Variants in WDR41 observed in about 807,000 individuals in gnomAD.
The protein encoded by WDR41 is WD repeat domain 41, also known as WD repeat-containing protein 41.
In WDR41, 63 loss-of-function variants were observed where a neutral mutation model predicts 69.3. The ratio of observed to expected loss-of-function variants is 0.91; its 90% CI spans 0.74 to 1.12. The LOEUF is 1.12. WDR41 is among the 50% of genes most tolerant of loss of function. The pLI is 0.00. For synonymous variants in WDR41, 185 were observed against 192.1 expected (o/e 0.96, Z 0.31); for missense variants, 543 against 534.5 (o/e 1.02, Z -0.16).
chr5:77,467,622 T>C (rs1254334598), intron 2 of WDR41, among the ~76,000 whole-genome samples: 1 of 152,054 alleles, frequency 6.6e-6, no homozygotes, highest in Non-Finnish European at 1.5e-5. Flanking sequence ...TATTGATCTT[T>C]ATCTTTATAA....
chr5:77,615,607 T>G (rs1744664483), intron 1 of WDR41, among the ~76,000 whole-genome samples: 1 of 151,328 alleles, frequency 6.6e-6, no homozygotes, highest in South Asian at 2.1e-4. Flanking sequence ...AATAATGAGT[T>G]TGTGTGATTT....
intron 1 of WDR41, among the ~76,000 whole-genome samples, chr5:77,529,974 G>T (rs1802503272): frequency 6.6e-6 from 1 of 151,558 alleles, no homozygotes. Context: ...AGAAATGACT[G>T]ATACATCTTA....
At chr5:77,484,801 G>C (rs1801437811) in intron 2 of WDR41, among the ~76,000 whole-genome samples, 2 of 152,124 alleles carry the variant, frequency 1.3e-5, no homozygotes, top group African/African-American at 4.8e-5. Flanking sequence ...TTCAAGACAG[G>C]ACTCACTGCC....
chr5:77,550,132 T>C (rs1402020508), intron 1 of WDR41, among the ~76,000 whole-genome samples: 2 of 152,134 alleles, frequency 1.3e-5, no homozygotes, highest in South Asian at 2.1e-4. Context: ...CCTCAAACTA[T>C]AAGAATCCTC....
chr5:77,511,100 C>A (rs1157323047), intron 1 of WDR41, among the ~76,000 whole-genome samples: 2 of 151,974 alleles, frequency 1.3e-5, no homozygotes, highest in Non-Finnish European at 2.9e-5. Flanking sequence ...AAACTATGTC[C>A]CTATAAATAT....
intron 1 of WDR41, among the ~76,000 whole-genome samples, chr5:77,553,350 T>C (rs1477919139): frequency 1.3e-5 from 2 of 152,102 alleles, no homozygotes; most frequent in African/African-American, 4.8e-5. Context: ...TGTTCTCAAA[T>C]AGCTGAAGGG....
chr5:77,593,989 A>G (rs1352162921), intron 1 of WDR41, among the ~76,000 whole-genome samples: 1 of 152,196 alleles, frequency 6.6e-6, no homozygotes, highest in East Asian at 1.9e-4. Context: ...AGGGGGCAGG[A>G]CTACCTCAAA....
At chr5:77,461,600 T>G (rs1287556400) in intron 4 of WDR41, among the ~76,000 whole-genome samples, 1 of 152,092 alleles carries the variant, frequency 6.6e-6, no homozygotes, top group Non-Finnish European at 1.5e-5. Flanking sequence ...CACTTTGGGA[T>G]GCCAAGGCGG....
At chr5:77,448,793 G>A (rs993276634) in intron 8 of WDR41, among the ~76,000 whole-genome samples, 9 of 151,942 alleles carry the variant, frequency 5.9e-5, no homozygotes, top group Admixed American at 1.3e-4. Context: ...GCTTGAACCC[G>A]GGGGGCAGAG....
At chr5:77,463,351 G>T in intron 3 of WDR41, 125 bp from the exon 4 acceptor site, 1 of 822,560 alleles carries the variant, frequency 1.2e-6, no homozygotes, top group Non-Finnish European at 1.7e-6. Flanking sequence ...TACTTATTCA[G>T]AATTTAACTT....
chr5:77,454,035 G>T, intron 5 of WDR41, 107 bp from the exon 6 acceptor site: 1 of 801,940 alleles, frequency 1.2e-6, no homozygotes, highest in Non-Finnish European at 2.1e-6. Flanking sequence ...TTCACTAGGT[G>T]GAGCTTATTT....
At chr5:77,596,772 G>A (rs768575281) in intron 1 of WDR41, among the ~76,000 whole-genome samples, 11 of 151,984 alleles carry the variant, frequency 7.2e-5, no homozygotes, top group South Asian at 2.1e-4. Context: ...GCACCATCAC[G>A]GCAAATGTCA....
chr5:77,564,718 T>C (rs1386544471), intron 1 of WDR41, among the ~76,000 whole-genome samples: 1 of 152,126 alleles, frequency 6.6e-6, no homozygotes, highest in African/African-American at 2.4e-5. Context: ...TCTATCCCAG[T>C]GACCCTAAAA....
At chr5:77,570,495 A>G (rs1250876423) in intron 1 of WDR41, among the ~76,000 whole-genome samples, 1 of 147,656 alleles carries the variant, frequency 6.8e-6, no homozygotes, top group Non-Finnish European at 1.5e-5. Flanking sequence ...TTTACTATAT[A>G]TATTAGGTCA....
At chr5:77,488,551 G>T (rs533043614) in intron 2 of WDR41, among the ~76,000 whole-genome samples, 1 of 151,112 alleles carries the variant, frequency 6.6e-6, no homozygotes, top group East Asian at 1.9e-4. Flanking sequence ...TCCATGGAGT[G>T]AAAAAAAACA....
At position 77,482,288 on chromosome 5, in the gene WDR41, G is replaced by A. The variant is rs187444561; in HGVS notation, c.167+7169C>T. 2.4e-4 allele frequency among the ~76,000 whole-genome samples: 37 copies of A among 152,214 alleles called. No individual in the cohort carries two copies. In the South Asian group the frequency reaches 7.5e-3, roughly 31 times the overall value. On this transcript the variant is annotated intron_variant, in intron 2 of 12. Transcript: ENST00000296679. ...AAGGACTCTTTTACATCACACCTAAGTTAACATTTACTTCCTTAATGTCAT... is the reference window on the plus strand; with the variant it reads ...AAGGACTCTTTTACATCACACCTAAATTAACATTTACTTCCTTAATGTCAT...
intron 2 of WDR41, among the ~76,000 whole-genome samples, chr5:77,487,646 T>C (rs190022523): frequency 6.6e-6 from 1 of 152,354 alleles, no homozygotes; most frequent in Admixed American, 6.5e-5. Context: ...TAAGAATGTC[T>C]TCATTATTCA....
upstream of WDR41, chr5:77,492,467 G>A (rs1801854575): frequency 1.4e-5 from 6 of 440,852 alleles, no homozygotes; most frequent in East Asian, 7.3e-5. Flanking sequence ...GCCGACGGCG[G>A]GGGCGGCTGC....
intron 12 of WDR41, among the ~76,000 whole-genome samples, chr5:77,435,972 T>C (rs1018259113): frequency 2.0e-5 from 3 of 152,190 alleles, no homozygotes; most frequent in Non-Finnish European, 4.4e-5. Flanking sequence ...TGTTGTCATA[T>C]AGTCAACATT....
Sources: gnomAD v4.1 joint callset for allele counts (sites outside exome capture counted in the v4.1 genomes callset) on GRCh38, gnomAD v4.1.1 for gene constraint, MANE v1.5 for transcripts, NCBI Gene and HGNC (gene_info 2026-07-23, HGNC 2026-07-21) for gene names.